The following PHF20 variants were observed in gnomAD, a reference collection of about 807,000 sequenced individuals.
PHF20 encodes the protein PHD finger protein 20, also known as glioma-expressed antigen 2.
A neutral mutation model predicts 113.5 loss-of-function variants in PHF20; 23 were observed. The observed-to-expected ratio is 0.20, with a 90% confidence interval of 0.15 to 0.29. The LOEUF (loss-of-function observed/expected upper bound fraction) is 0.29. PHF20 is among the 10% of genes least tolerant of loss of function. The probability of loss-of-function intolerance (pLI) is 1.00; values close to 1 mark genes in which losing one functional copy is unlikely to be tolerated. For synonymous variants in PHF20, 434 were observed against 457.3 expected (o/e 0.95, Z 0.65); for missense variants, 943 against 1,219.6 (o/e 0.77, Z 3.38).
At chr20:35,886,444 CT>C (rs1281694063) in intron 9 of PHF20, among the ~76,000 whole-genome samples, 1 of 152,100 alleles carries the variant, frequency 6.6e-6, no homozygotes, top group Non-Finnish European at 1.5e-5. Flanking sequence ...TCTTTGATTG[CT>C]TTTTGATGCT....
intron 9 of PHF20, among the ~76,000 whole-genome samples, chr20:35,877,097 A>T (rs1600862506): frequency 8.8e-6 from 1 of 113,072 alleles, no homozygotes; most frequent in African/African-American, 3.6e-5. Flanking sequence ...ACAGAGTGAG[A>T]CTCTGTCTCA....
rs1302385360 is a variant in PHF20, at chr20:35,913,212, A to G, written c.1562-37A>G. 4.7e-6 allele frequency: 7 copies of G among 1,498,748 alleles called. No homozygotes were observed. In the South Asian group the frequency reaches 8.1e-5, roughly 17 times the overall value. 92.8% of individuals were successfully genotyped at this position (1,498,748 alleles called of 1,614,324 possible). A position where few individuals can be genotyped will look rare whatever the true frequency, so the allele number is the denominator to read the frequency against. ...GAATAAGCACCCCAGCATTGAAAAC[A>G]AAATGTTAAAATGCCAACATTTGTG... On this transcript the variant is annotated intron_variant, in intron 10 of 17. Coordinates refer to ENST00000374012, the MANE Select transcript of PHF20 (RefSeq NM_016436.5).
At position 35,917,668 on chromosome 20, in the gene PHF20, C is replaced by T. The variant is rs181774308; in HGVS notation, c.2004+6C>T. The T allele has an allele frequency of 6.2e-6, 10 of 1,610,250 alleles. No individual in the cohort carries two copies. The highest frequency in any genetic ancestry group is 1.7e-5 in the Admixed American group (1 of 59,544). ...AAAATGACTTCATGATTCAGGTAGG[C>T]AGAGCTTCCAGGAAACAGGTCTAGA... On this transcript the variant is annotated splice_donor_region_variant and intron_variant, in intron 13 of 17. Transcript: ENST00000374012.
At position 35,940,994 on chromosome 20, in the gene PHF20, C is replaced by G; in HGVS notation, c.2843C>G (p.Ser948Cys). ...TTTAACCTGCTGACCCATGTGGAATCTCTTCAGGATGAAGTTACGCACAGG... is the reference window on the plus strand; with the variant it reads ...TTTAACCTGCTGACCCATGTGGAATGTCTTCAGGATGAAGTTACGCACAGG... ...WQFNLLTHVE[S>C]LQDEVTHRMD... Residue 948 changes from serine (S) to cysteine (C), a missense_variant, in exon 17 of 18, where the codon TCT becomes TGT. Ser to Cys is a moderately radical substitution (Grantham distance 112). Coordinates refer to ENST00000374012, the MANE Select transcript of PHF20 (RefSeq NM_016436.5). 6.2e-7 allele frequency: 1 copy of G among 1,614,178 alleles called. No individual in the cohort carries two copies. Among genetic ancestry groups the G allele is most frequent in the Non-Finnish European group, 8.5e-7 (1 of 1,180,020 alleles).
At chr20:35,877,163 G>A (rs1405885368) in intron 9 of PHF20, among the ~76,000 whole-genome samples, 12 of 145,114 alleles carry the variant, frequency 8.3e-5, no homozygotes, top group Non-Finnish European at 1.1e-4. Flanking sequence ...GGTGGTGGGC[G>A]CCTGTAATCC....
intron 13 of PHF20, among the ~76,000 whole-genome samples, chr20:35,923,931 T>C (rs185901779): frequency 1.3e-5 from 2 of 152,126 alleles, no homozygotes; most frequent in East Asian, 3.9e-4. Context: ...TCTTTAATTT[T>C]TTTTTGTAGA....
chr20:35,782,257 G>GTTTTTTTT (rs1398951271), intron 1 of PHF20: 2 of 64,110 alleles, frequency 3.1e-5, no homozygotes, highest in African/African-American at 4.9e-5. Flanking sequence ...TCTTTTTCTT[G>GTTTTTTTT]TTTTGTTTTT....
chr20:35,785,105 G>C (rs538855267), intron 1 of PHF20, among the ~76,000 whole-genome samples: 74 of 151,738 alleles, frequency 4.9e-4, no homozygotes, highest in African/African-American at 1.7e-3. Flanking sequence ...TGCTTCTGAA[G>C]TCCCAGCTCT....
intron 13 of PHF20, among the ~76,000 whole-genome samples, chr20:35,917,893 A>G (rs1467642530): frequency 6.6e-6 from 1 of 152,148 alleles, no homozygotes; most frequent in East Asian, 1.9e-4. Flanking sequence ...TAAACCTCTC[A>G]TGCTCTGCTT....
chr20:35,817,081 C>T (rs370987197), intron 2 of PHF20, among the ~76,000 whole-genome samples: 15 of 151,882 alleles, frequency 9.9e-5, no homozygotes, highest in African/African-American at 1.9e-4. Flanking sequence ...TGAGCCACTG[C>T]GCCTGGCCAT....
chr20:35,933,427 C>T (rs1240729219), intron 15 of PHF20, among the ~76,000 whole-genome samples: 4 of 150,964 alleles, frequency 2.6e-5, no homozygotes, highest in Non-Finnish European at 4.4e-5. Flanking sequence ...GACCGAGTCT[C>T]GCTCTGTCAC....
intron 2 of PHF20, among the ~76,000 whole-genome samples, chr20:35,826,680 C>T (rs920647524): frequency 1.3e-5 from 2 of 152,084 alleles, no homozygotes; most frequent in African/African-American, 4.8e-5. Flanking sequence ...AAAATTTAAG[C>T]AGGAGAGAGA....
rs918476908 is a variant in PHF20, at chr20:35,860,481, A to G, written c.420+2100A>G. 5.3e-5 allele frequency among the ~76,000 whole-genome samples: 8 copies of G among 152,236 alleles called. No homozygotes were observed. The South Asian group carries it at 6.2e-4, about 12-fold the overall frequency. ...GGTCTTGAAGTCCTGACCTCGGGTGATCTGCCTACCTTGGCCTCCCAAAGT... is the reference window on the plus strand; with the variant it reads ...GGTCTTGAAGTCCTGACCTCGGGTGGTCTGCCTACCTTGGCCTCCCAAAGT... On this transcript the variant is annotated intron_variant, in intron 5 of 17. Transcript: ENST00000374012.
rs777671468 is a variant in PHF20, at chr20:35,917,614, G to A, written c.1956G>A (p.Val652=). 6.2e-7 allele frequency: 1 copy of A among 1,614,044 alleles called. No individual in the cohort carries two copies. The highest frequency in any genetic ancestry group is 1.7e-5 in the Admixed American group (1 of 59,988). ...GGGATGACCGCTATGACTTCGAGGT[G>A]GTCCGCTGCATCTGTGAGGTCCAGG... The part of the protein sequence containing the change: ...LDGDDRYDFE[V]VRCICEVQEE... The change falls in exon 13 of 18, where the codon GTG becomes GTA. Residue 652 remains valine (V), a synonymous_variant. Transcript: ENST00000374012.
chr20:35,944,903 C>T (rs1039084035), intron 17 of PHF20, among the ~76,000 whole-genome samples: 4 of 152,200 alleles, frequency 2.6e-5, no homozygotes, highest in African/African-American at 9.7e-5. Flanking sequence ...AGTCCCCTGT[C>T]TCCTTCTAGT....
At chr20:35,903,840 T>G (rs1405870848) in intron 10 of PHF20, among the ~76,000 whole-genome samples, 1 of 152,202 alleles carries the variant, frequency 6.6e-6, no homozygotes, top group Non-Finnish European at 1.5e-5. Flanking sequence ...TAGTAGTGTA[T>G]GCTGAAGATT....
chr20:35,794,147 A>T (rs1448708915), intron 1 of PHF20, among the ~76,000 whole-genome samples: 1 of 151,886 alleles, frequency 6.6e-6, no homozygotes, highest in African/African-American at 2.4e-5. Context: ...CTAAAAATAC[A>T]AAAATTAGCC....
intron 9 of PHF20, among the ~76,000 whole-genome samples, chr20:35,881,335 GGCGTGA>G (rs1305068763): frequency 5.3e-5 from 8 of 151,814 alleles, no homozygotes; most frequent in African/African-American, 1.9e-4. Context: ...TGGGATTATA[GGCGTGA>G]GCCACCGCAC....
chr20:35,806,192 A>C, intron 2 of PHF20, among the ~76,000 whole-genome samples: 1 of 99,550 alleles, frequency 1.0e-5, no homozygotes. Flanking sequence ...GATATGTCTC[A>C]CTCTGTTGCC....
Sources: gnomAD v4.1 joint callset for allele counts (sites outside exome capture counted in the v4.1 genomes callset) on GRCh38, gnomAD v4.1.1 for gene constraint, MANE v1.5 for transcripts, NCBI Gene and HGNC (gene_info 2026-07-23, HGNC 2026-07-21) for gene names.